The following DAB1 variants were observed in gnomAD, a reference collection of about 807,000 sequenced individuals.
The protein encoded by DAB1 is disabled homolog 1.
Under a neutral mutation model 64.6 loss-of-function variants are expected in DAB1, and 15 were observed. The ratio of observed to expected loss-of-function variants is 0.23; its 90% confidence interval spans 0.16 to 0.36. The LOEUF is 0.36. Ranked by LOEUF, DAB1 falls within the 10% of genes least tolerant of loss-of-function variation. DAB1 has a pLI of 1.00. For synonymous variants in DAB1, 235 were observed against 251.9 expected (o/e 0.93, Z 0.64); for missense variants, 596 against 706.7 (o/e 0.84, Z 1.78).
At chr1:57,620,995 G>C (rs1210669858) in intron 7 of DAB1, among the ~76,000 whole-genome samples, 3 of 152,124 alleles carry the variant, frequency 2.0e-5, no homozygotes, top group Admixed American at 2.0e-4. Context: ...AGGGGTGTGT[G>C]TGTGTGTTTG....
At chr1:57,063,908 A>G (rs1444438239) in intron 8 of DAB1, among the ~76,000 whole-genome samples, 2 of 152,192 alleles carry the variant, frequency 1.3e-5, no homozygotes, top group African/African-American at 4.8e-5. Context: ...AGGAACTGTC[A>G]CAGCTTAGCT....
chr1:57,145,624 A>T (rs1331845156), intron 2 of DAB1, among the ~76,000 whole-genome samples, 195 bp from the exon 3 acceptor site: 2 of 152,216 alleles, frequency 1.3e-5, no homozygotes, highest in Non-Finnish European at 2.9e-5. Context: ...GAGACAAATT[A>T]CTTCTCCTTT....
intron 4 of DAB1, among the ~76,000 whole-genome samples, chr1:57,118,111 A>T (rs1380753203): frequency 1.3e-5 from 2 of 152,240 alleles, no homozygotes; most frequent in Non-Finnish European, 2.9e-5. Context: ...GAGGTGGTGT[A>T]TCTCTTGGAT....
At chr1:57,274,522 T>C (rs1671301498) in intron 2 of DAB1, among the ~76,000 whole-genome samples, 1 of 152,218 alleles carries the variant, frequency 6.6e-6, no homozygotes, top group Admixed American at 6.5e-5. Context: ...CATATTGTTA[T>C]TGGTTTTTTC....
chr1:57,320,789 CA>C (rs1327946768), intron 1 of DAB1, among the ~76,000 whole-genome samples: 1 of 152,152 alleles, frequency 6.6e-6, no homozygotes, highest in African/African-American at 2.4e-5. Context: ...CATTTAATCA[CA>C]AAACCCTATG....
chr1:57,578,451 C>T (rs1399604828), intron 7 of DAB1, among the ~76,000 whole-genome samples: 1 of 151,884 alleles, frequency 6.6e-6, no homozygotes, highest in Non-Finnish European at 1.5e-5. Flanking sequence ...CTAACTAATG[C>T]TTACTGCACA....
intron 1 of DAB1, among the ~76,000 whole-genome samples, chr1:57,345,377 A>T (rs1329699054): frequency 6.6e-6 from 1 of 152,204 alleles, no homozygotes; most frequent in African/African-American, 2.4e-5. Flanking sequence ...AAATAATGAT[A>T]ACTGCCTTAG....
intron 5 of DAB1, among the ~76,000 whole-genome samples, chr1:57,921,443 C>T (rs985348470): frequency 3.3e-5 from 5 of 152,290 alleles, no homozygotes; most frequent in African/African-American, 1.2e-4. Flanking sequence ...AAGATGTTGA[C>T]TCCCTAACTA....
At chr1:57,756,480 T>A (rs1648813141) in intron 6 of DAB1, among the ~76,000 whole-genome samples, 1 of 152,128 alleles carries the variant, frequency 6.6e-6, no homozygotes, top group Non-Finnish European at 1.5e-5. Context: ...AGGCATGAGA[T>A]AACAAGAAGC....
intron 2 of DAB1, among the ~76,000 whole-genome samples, chr1:57,172,898 G>A (rs1357979572): frequency 6.6e-6 from 1 of 152,124 alleles, no homozygotes; most frequent in East Asian, 1.9e-4. Context: ...CAGCAAGGAT[G>A]GAGCTAACAT....
At chr1:58,441,590 G>T (rs1645008674) in intron 3 of DAB1, among the ~76,000 whole-genome samples, 1 of 152,094 alleles carries the variant, frequency 6.6e-6, no homozygotes, top group Admixed American at 6.5e-5. Context: ...TTTCCTTTCT[G>T]GCTCTGATTT....
intron 7 of DAB1, among the ~76,000 whole-genome samples, chr1:57,447,122 T>A (rs891347855): frequency 5.9e-5 from 9 of 152,198 alleles, no homozygotes; most frequent in African/African-American, 2.2e-4. Flanking sequence ...TAATGGAAGA[T>A]AACAGATAGG....
chr1:57,144,492 G>T (rs1162913381), intron 3 of DAB1, among the ~76,000 whole-genome samples: 2 of 152,016 alleles, frequency 1.3e-5, no homozygotes, highest in Admixed American at 6.5e-5. Flanking sequence ...TCAGGAGTTC[G>T]AGACCAGCCT....
At position 58,518,354 on chromosome 1, in the gene DAB1, G is replaced by GAAGA. The variant is rs1428140129; in HGVS notation, n.107+8906_107+8907insTCTT. Among the ~76,000 whole-genome samples the GAAGA allele has an allele frequency of 7.8e-3, 251 of 32,212 alleles. 3 individuals are homozygous for GAAGA. The highest frequency in any genetic ancestry group is 0.013 in the Non-Finnish European group (166 of 12,558). 21.1% of individuals were successfully genotyped at this position (32,212 alleles called of 152,430 possible). ...AGAAGAGAAGAGAAGAGAAGAGAAG[G>GAAGA]GAAGGGAAGAGAAGAGAAGGGAAGA... On this transcript the variant is annotated intron_variant and non_coding_transcript_variant, in intron 2 of 20. Transcript: ENST00000485760.
chr1:58,345,504 G>A (rs777186138), intron 3 of DAB1, among the ~76,000 whole-genome samples: 26 of 152,034 alleles, frequency 1.7e-4, no homozygotes, highest in Admixed American at 3.9e-4. Context: ...CCTGGTCTTC[G>A]GGCTTCCCTT....
At chr1:57,438,105 A>G (rs1254571017) in intron 7 of DAB1, among the ~76,000 whole-genome samples, 1 of 152,182 alleles carries the variant, frequency 6.6e-6, no homozygotes, top group Non-Finnish European at 1.5e-5. Flanking sequence ...GTGACAGGAA[A>G]TGAATTTCTT....
intron 3 of DAB1, among the ~76,000 whole-genome samples, chr1:57,140,509 T>A (rs527286324): frequency 1.3e-5 from 2 of 152,206 alleles, no homozygotes; most frequent in East Asian, 3.9e-4. Context: ...AACAGATTTT[T>A]AAAAAATGAC....
chr1:57,736,112 C>T (rs3131731), intron 6 of DAB1, among the ~76,000 whole-genome samples: 43,756 of 151,768 alleles, frequency 0.29, 7,571 homozygotes, highest in East Asian at 0.48. Flanking sequence ...CCCGTACGGA[C>T]GGCTATATAC....
chr1:58,477,265 G>C (rs1645428047), intron 3 of DAB1, among the ~76,000 whole-genome samples: 1 of 152,058 alleles, frequency 6.6e-6, no homozygotes, highest in Non-Finnish European at 1.5e-5. Context: ...AAACGCTAAA[G>C]CAAATATGCT....
Sources: gnomAD v4.1 joint callset for allele counts (sites outside exome capture counted in the v4.1 genomes callset) on GRCh38, gnomAD v4.1.1 for gene constraint, MANE v1.5 for transcripts, NCBI Gene and HGNC (gene_info 2026-07-23, HGNC 2026-07-21) for gene names.